The following PRR5 variants were observed in gnomAD, a reference collection of about 807,000 sequenced individuals.
PRR5 encodes the protein proline-rich protein 5.
A neutral mutation model predicts 30.6 loss-of-function variants in PRR5; 25 were observed. That is an observed-to-expected ratio of 0.82 (90% CI 0.60 to 1.14). The LOEUF is 1.14. Ranked by LOEUF, PRR5 falls within the 50% of genes most tolerant of loss-of-function variation. The pLI, the probability that PRR5 is intolerant of heterozygous loss-of-function variation, is 0.00. For synonymous variants in PRR5, 286 were observed against 247.1 expected (o/e 1.16, Z -1.48); for missense variants, 600 against 547.1 (o/e 1.10, Z -0.96).
At chr22:44,694,271 C>T (rs1402309781) in intron 1 of PRR5, among the ~76,000 whole-genome samples, 1 of 152,166 alleles carries the variant, frequency 6.6e-6, no homozygotes, top group Non-Finnish European at 1.5e-5. Flanking sequence ...GGTGTGGTGG[C>T]TCATGCCTGT....
At chr22:44,692,509 A>C (rs1200702508) in intron 1 of PRR5, among the ~76,000 whole-genome samples, 1 of 91,684 alleles carries the variant, frequency 1.1e-5, no homozygotes. Context: ...TCCACCTGGC[A>C]CTCCTCCTCC....
At chr22:44,732,931 C>A (rs1922436688) in intron 6 of PRR5, among the ~76,000 whole-genome samples, 1 of 135,300 alleles carries the variant, frequency 7.4e-6, no homozygotes, top group East Asian at 2.1e-4. Context: ...TGCGCACGCA[C>A]ATACTACACA....
intron 1 of PRR5, among the ~76,000 whole-genome samples, chr22:44,683,369 G>C (rs1189419817): frequency 6.6e-6 from 1 of 152,210 alleles, no homozygotes; most frequent in African/African-American, 2.4e-5. Flanking sequence ...AGGGCCACCT[G>C]GCAGCCCCAG....
intron 1 of PRR5, among the ~76,000 whole-genome samples, chr22:44,703,999 C>T (rs1926790264): frequency 6.6e-6 from 1 of 152,248 alleles, no homozygotes; most frequent in Non-Finnish European, 1.5e-5. Context: ...CAAATCCCAA[C>T]TCTGCCTCTT....
chr22:44,732,942 CGT>C (rs1342835737), intron 6 of PRR5, among the ~76,000 whole-genome samples: 1 of 102,818 alleles, frequency 9.7e-6, no homozygotes, highest in African/African-American at 2.7e-5. Context: ...ATACTACACA[CGT>C]GTGCACACAT....
At position 44,689,293 on chromosome 22, in the gene PRR5, G is replaced by A. The variant is rs73891733; in HGVS notation, c.-11+12053G>A. Among the ~76,000 whole-genome samples the A allele has an allele frequency of 5.8e-3, 883 of 152,190 alleles. 11 individuals are homozygous for A. Among genetic ancestry groups the A allele is most frequent in the African/African-American group, 0.02 (832 of 41,518 alleles). On this transcript the variant is annotated intron_variant, in intron 1 of 8. Coordinates refer to the PRR5 transcript ENST00000006251. ...ACTCACGGGTCGTCTTTGGAGTTCC[G>A]AGGAATCCAGCTTAGCCACCTACCA...
chr22:44,679,947 T>C, intron 1 of PRR5: 1 of 1,474,432 alleles, frequency 6.8e-7, no homozygotes, highest in Non-Finnish European at 9.2e-7. Flanking sequence ...GTGAGTGCAG[T>C]GTGGCTGGAG....
At chr22:44,729,764 C>G (rs954501151) in intron 4 of PRR5, 1 of 985,382 alleles carries the variant, frequency 1.0e-6, no homozygotes, top group Non-Finnish European at 1.2e-6. Context: ...GGCCTGGATT[C>G]TGTTTTACAA....
intron 1 of PRR5, among the ~76,000 whole-genome samples, chr22:44,703,204 G>T (rs987880671): frequency 6.6e-6 from 1 of 152,162 alleles, no homozygotes; most frequent in East Asian, 1.9e-4. Context: ...TTTGTTTGAG[G>T]AGCAAGTCCG....
chr22:44,693,282 A>G (rs576359012), intron 1 of PRR5, among the ~76,000 whole-genome samples: 71 of 146,220 alleles, frequency 4.9e-4, no homozygotes, highest in Non-Finnish European at 9.3e-4. Flanking sequence ...TTGGCAACAT[A>G]GAAAGACCCT....
intron 1 of PRR5, among the ~76,000 whole-genome samples, chr22:44,704,177 C>T (rs896215628): frequency 6.6e-6 from 1 of 152,226 alleles, no homozygotes; most frequent in African/African-American, 2.4e-5. Flanking sequence ...TACCTCACAG[C>T]TCAACCCCAG....
chr22:44,724,977 T>A (rs1183637222), intron 2 of PRR5, among the ~76,000 whole-genome samples: 1 of 152,084 alleles, frequency 6.6e-6, no homozygotes, highest in Non-Finnish European at 1.5e-5. Flanking sequence ...CTGTCTTCCC[T>A]CTGAGGACCC....
intron 1 of PRR5, among the ~76,000 whole-genome samples, chr22:44,686,560 A>G (rs999292541): frequency 1.3e-5 from 2 of 151,560 alleles, no homozygotes; most frequent in African/African-American, 2.4e-5. Context: ...CGCCCAGGCT[A>G]GAGTGCAGTG....
chr22:44,672,611 G>A (rs1923488816), upstream of PRR5, among the ~76,000 whole-genome samples: 1 of 152,134 alleles, frequency 6.6e-6, no homozygotes, highest in Non-Finnish European at 1.5e-5. Flanking sequence ...AATAAAAGAT[G>A]TCAAGAAAAC....
chr22:44,684,035 G>A (rs545951832), intron 1 of PRR5, among the ~76,000 whole-genome samples: 1 of 152,342 alleles, frequency 6.6e-6, no homozygotes, highest in South Asian at 2.1e-4. Flanking sequence ...GGACTGGGTG[G>A]GGGTGTCGAA....
intron 1 of PRR5, among the ~76,000 whole-genome samples, chr22:44,688,339 G>A (rs1462380303): frequency 1.3e-5 from 2 of 151,812 alleles, no homozygotes; most frequent in African/African-American, 2.4e-5. Flanking sequence ...AGCTGTGATC[G>A]CACCACTGCA....
chr22:44,726,468 C>G (rs973470951), intron 3 of PRR5, 109 bp from the exon 4 acceptor site: 4 of 1,520,938 alleles, frequency 2.6e-6, no homozygotes, highest in Non-Finnish European at 1.8e-6. Flanking sequence ...TCTCCTCCCC[C>G]TTTAAGCCTT....
upstream of PRR5, among the ~76,000 whole-genome samples, chr22:44,700,365 T>A (rs566005410): frequency 1.7e-4 from 26 of 152,078 alleles, no homozygotes; most frequent in Admixed American, 1.4e-3. Context: ...CTCACTAGAT[T>A]GAGGCAGGAG....
Position 44,695,923 on chromosome 22 carries a change from C to CTTTTTTTTTTT in PRR5, c.-10-6554_-10-6544dup, listed in dbSNP as rs79228617. On this transcript the variant is annotated intron_variant, in intron 1 of 8. Transcript: ENST00000006251. ...AGTGATTCCATTTTGATTCTGACAA[C>CTTTTTTTTTTT]TTTTTTTTTTTTTTTTTTTTTTTTT... is the stretch of plus-strand genomic sequence containing the variant. Among the ~76,000 whole-genome samples the CTTTTTTTTTTT allele has an allele frequency of 1.9e-4, 14 of 73,346 alleles. 1 individual carries two copies. The highest frequency in any genetic ancestry group is 3.1e-4 in the Non-Finnish European group (13 of 42,062). 48.1% of individuals were successfully genotyped at this position (73,346 alleles called of 152,430 possible). A position where few individuals can be genotyped will look rare whatever the true frequency, so the allele number is the denominator to read the frequency against.
Sources: gnomAD v4.1 joint callset for allele counts (sites outside exome capture counted in the v4.1 genomes callset) on GRCh38, gnomAD v4.1.1 for gene constraint, MANE v1.5 for transcripts, NCBI Gene and HGNC (gene_info 2026-07-23, HGNC 2026-07-21) for gene names.